ACACA: variants seen among roughly 807,000 people sequenced by gnomAD.
ACACA encodes acetyl-CoA carboxylase alpha.
ACACA carries 103 observed loss-of-function variants against 296.1 expected under a neutral mutation model. The ratio of observed to expected loss-of-function variants is 0.35; its 90% CI spans 0.30 to 0.41. ACACA has a LOEUF of 0.41. ACACA is among the 10% of genes least tolerant of loss of function. The pLI, the probability that ACACA is intolerant of heterozygous loss-of-function variation, is 1.00. For missense variants in ACACA, 1,554 were observed against 2,989.7 expected (o/e 0.52, Z 11.20); for synonymous variants, 953 against 1,038.6 (o/e 0.92, Z 1.58).
Position 37,217,734 on chromosome 17 carries a change from C to CAAAA in ACACA, c.3683+3986_3683+3989dup, listed in dbSNP as rs57846347. ...TGGGCGACAGAGTGAGACTCCATCT[C>CAAAA]AAAAAAAAAAAAAAAAAAAAAAAAA... On this transcript the variant is annotated intron_variant, in intron 29 of 55. Coordinates refer to ENST00000616317, the MANE Select transcript of ACACA (RefSeq NM_198834.3). Among the ~76,000 whole-genome samples the CAAAA allele has an allele frequency of 3.3e-3, 98 of 29,352 alleles. 1 individual carries two copies. The highest frequency in any genetic ancestry group is 8.7e-3 in the African/African-American group (49 of 5,652). The allele number at this position is 29,352 out of a possible 152,430, so 19.3% of individuals were successfully genotyped here.
intron 3 of ACACA, among the ~76,000 whole-genome samples, chr17:37,327,376 G>GT (rs751757793): frequency 6.6e-6 from 1 of 152,104 alleles, no homozygotes; most frequent in East Asian, 1.9e-4. Context: ...AACAGAAAAC[G>GT]TTTTTTCTAT....
In ACACA at chr17:37,263,907, AGG is replaced by A; in HGVS notation, c.1120-15_1120-14del. 1 of 1,607,656 alleles carries A rather than the reference AGG, an allele frequency of 6.2e-7. No individual in the cohort carries two copies. The highest frequency in any genetic ancestry group is 8.5e-7 in the Non-Finnish European group (1 of 1,175,610). ...CTTCAGCTTGAACCTGTATTAGAAAAGGGGGAAAAAAAAAACCAATTCTTAAA... is the reference window on the plus strand; with the variant it reads ...CTTCAGCTTGAACCTGTATTAGAAAAGGGAAAAAAAAAACCAATTCTTAAA... On this transcript the variant is annotated splice_polypyrimidine_tract_variant and intron_variant, in intron 10 of 55. Transcript: ENST00000616317.
chr17:37,210,983 A>G (rs2078724785), intron 29 of ACACA, among the ~76,000 whole-genome samples: 1 of 152,142 alleles, frequency 6.6e-6, no homozygotes, highest in Non-Finnish European at 1.5e-5. Flanking sequence ...TATCCAGGAT[A>G]TGTGACAGAC....
chr17:37,274,121 G>T, intron 9 of ACACA, 72 bp downstream of exon 9: 1 of 1,317,410 alleles, frequency 7.6e-7, no homozygotes, highest in Non-Finnish European at 1.1e-6. Context: ...CACGAGCCAG[G>T]CTCCCAATCT....
Position 37,258,193 on chromosome 17 carries a change from C to T in ACACA, c.1662+19G>A. The T allele has an allele frequency of 3.1e-6, 5 of 1,613,466 alleles. No homozygotes were observed. Among genetic ancestry groups the T allele is most frequent in the Non-Finnish European group, 4.2e-6 (5 of 1,179,508 alleles). The stretch of plus-strand genomic sequence containing the variant: ...AAGTTCATTAAAAGGAGGTATAAAC[C>T]TTTTAAGTGATGGGTTACCTCATCT... On this transcript the variant is annotated intron_variant, in intron 13 of 55. Coordinates refer to ENST00000616317, the MANE Select transcript of ACACA (RefSeq NM_198834.3).
intron 1 of ACACA, among the ~76,000 whole-genome samples, chr17:37,372,044 C>T (rs2049825291): frequency 1.3e-5 from 2 of 152,136 alleles, no homozygotes; most frequent in Admixed American, 1.3e-4. Context: ...TACTGAGACC[C>T]TGCCTCCATT....
In ACACA at chr17:37,209,872, G is replaced by T. The variant is rs556372600; in HGVS notation, c.3707+595C>A. Among the ~76,000 whole-genome samples, 14 of 152,182 alleles carry T rather than the reference G, an allele frequency of 9.2e-5. No individual in the cohort carries two copies. In the South Asian group the frequency reaches 2.9e-3, roughly 32 times the overall value. The stretch of plus-strand genomic sequence containing the variant: ...CTAAAATATCACTTATGTTATATTA[G>T]CCTGGAAACCTCCACACAGGGTTAA... On this transcript the variant is annotated intron_variant, in intron 30 of 55. Coordinates refer to ENST00000616317, the MANE Select transcript of ACACA (RefSeq NM_198834.3).
chr17:37,226,248 G>A, intron 26 of ACACA, 91 bp downstream of exon 26: 1 of 956,806 alleles, frequency 1.0e-6, no homozygotes. Context: ...CATGTTCTTT[G>A]TAAAGTGATT....
intron 1 of ACACA, among the ~76,000 whole-genome samples, chr17:37,351,181 G>T (rs955410623): frequency 6.6e-6 from 1 of 152,064 alleles, no homozygotes; most frequent in Non-Finnish European, 1.5e-5. Flanking sequence ...GTTGAAACAG[G>T]CTGGGTGCGG....
At chr17:37,135,135 A>G (rs912422359) in intron 45 of ACACA, among the ~76,000 whole-genome samples, 2 of 152,206 alleles carry the variant, frequency 1.3e-5, no homozygotes, top group African/African-American at 4.8e-5. Flanking sequence ...AAGTAATTCA[A>G]TCTCCAATTA....
intron 45 of ACACA, among the ~76,000 whole-genome samples, chr17:37,137,389 C>T (rs1394891705): frequency 6.6e-6 from 1 of 152,108 alleles, no homozygotes; most frequent in Non-Finnish European, 1.5e-5. Context: ...TTCTCATTGA[C>T]GTCTGATGGG....
chr17:37,141,681 A>G (rs1490675702), intron 45 of ACACA, among the ~76,000 whole-genome samples: 1 of 152,092 alleles, frequency 6.6e-6, no homozygotes, highest in African/African-American at 2.4e-5. Context: ...GAGAAGAACA[A>G]TCAAAAGTTT....
chr17:37,315,555 T>C (rs1035423185), intron 3 of ACACA, among the ~76,000 whole-genome samples: 5 of 152,202 alleles, frequency 3.3e-5, no homozygotes, highest in Non-Finnish European at 5.9e-5. Flanking sequence ...CCTATACTCC[T>C]GACCAACCAG....
At chr17:37,369,148 G>A (rs1192724922) in intron 1 of ACACA, among the ~76,000 whole-genome samples, 1 of 152,132 alleles carries the variant, frequency 6.6e-6, no homozygotes, top group Non-Finnish European at 1.5e-5. Flanking sequence ...AAATACGGAT[G>A]GATTTTACCA....
At chr17:37,200,406 G>T in intron 34 of ACACA, 21 bp downstream of exon 34, 1 of 1,588,510 alleles carries the variant, frequency 6.3e-7, no homozygotes, top group Non-Finnish European at 8.6e-7. Context: ...TATTAAAGAG[G>T]TACAATTCAC....
At chr17:37,207,853 T>A in intron 30 of ACACA, 53 bp from the exon 31 acceptor site, 1 of 1,594,696 alleles carries the variant, frequency 6.3e-7, no homozygotes, top group East Asian at 2.2e-5. Flanking sequence ...GAGCAAGGAC[T>A]GGGAAAGTAA....
intron 1 of ACACA, among the ~76,000 whole-genome samples, chr17:37,399,595 A>G (rs2051212665): frequency 6.6e-6 from 1 of 152,214 alleles, no homozygotes; most frequent in South Asian, 2.1e-4. Context: ...ATATATTTCT[A>G]GTTCACCTAA....
intron 45 of ACACA, chr17:37,143,496 ACCAGGACAGGG>A (rs1206256855): frequency 3.0e-6 from 1 of 334,798 alleles, no homozygotes; most frequent in African/African-American, 2.2e-5. Context: ...TGAAAATACC[ACCAGGACAGGG>A]CTATCTAAAG....
rs779179025 is a variant in ACACA, at chr17:37,406,308, C to T, written c.-9G>A. 1 of 1,614,226 alleles carries T rather than the reference C, an allele frequency of 6.2e-7. No individual in the cohort carries two copies. Among genetic ancestry groups the T allele is most frequent in the East Asian group, 2.2e-5 (1 of 44,890 alleles). On this transcript the variant is annotated 5_prime_UTR_variant, in exon 1 of 56. It removes an upstream start codon present in the reference 5' UTR. Coordinates refer to ENST00000616317, the MANE Select transcript of ACACA (RefSeq NM_198834.3). The stretch of plus-strand genomic sequence containing the variant: ...AGAGTAGACCACCACATCCTCTCAT[C>T]ATTGCGCCTCAATTTGGGCCTCTGA...
Sources: gnomAD v4.1 joint callset for allele counts (sites outside exome capture counted in the v4.1 genomes callset) on GRCh38, gnomAD v4.1.1 for gene constraint, MANE v1.5 for transcripts, NCBI Gene and HGNC (gene_info 2026-07-23, HGNC 2026-07-21) for gene names.